BRINP2: variants seen among roughly 807,000 people sequenced by gnomAD.
BRINP2 encodes the protein BMP/retinoic acid inducible neural specific 2, also known as BMP/retinoic acid-inducible neural-specific protein 2.
Under a neutral mutation model 69.2 loss-of-function variants are expected in BRINP2, and 21 were observed. The ratio of observed to expected loss-of-function variants is 0.30; its 90% CI spans 0.22 to 0.44. The LOEUF (loss-of-function observed/expected upper bound fraction) is 0.44. BRINP2 is among the 20% of genes least tolerant of loss of function. The pLI is 1.00. For missense variants in BRINP2, 877 were observed against 986.0 expected, an observed-to-expected ratio of 0.89 and a Z score of 1.48; for synonymous variants, 380 against 394.1, an observed-to-expected ratio of 0.96 and a Z score of 0.42.
chr1:177,224,623 CT>C (rs1649640688), intron 1 of BRINP2, among the ~76,000 whole-genome samples: 1 of 151,162 alleles, frequency 6.6e-6, no homozygotes, highest in South Asian at 2.1e-4. Flanking sequence ...ATTCATATAA[CT>C]GATGCTGTGA....
intron 6 of BRINP2, among the ~76,000 whole-genome samples, chr1:177,277,262 A>G (rs1036965931): frequency 6.6e-6 from 1 of 151,904 alleles, no homozygotes; most frequent in African/African-American, 2.4e-5. Flanking sequence ...TACCCAATAC[A>G]TGGTATTTTT....
intron 1 of BRINP2, among the ~76,000 whole-genome samples, chr1:177,219,034 A>G (rs999960273): frequency 6.6e-6 from 1 of 152,190 alleles, no homozygotes; most frequent in Non-Finnish European, 1.5e-5. Flanking sequence ...TAAAGGAAGG[A>G]GAGTTATTTG....
At chr1:177,173,035 T>TCCC (rs1356060863) in intron 1 of BRINP2, among the ~76,000 whole-genome samples, 1 of 152,100 alleles carries the variant, frequency 6.6e-6, no homozygotes, top group East Asian at 1.9e-4. Flanking sequence ...GTATACCAAA[T>TCCC]CCCCCGGGGG....
At chr1:177,187,016 A>G (rs1648447254) in intron 1 of BRINP2, among the ~76,000 whole-genome samples, 1 of 152,146 alleles carries the variant, frequency 6.6e-6, no homozygotes, top group Admixed American at 6.5e-5. Flanking sequence ...CAAACTGCCA[A>G]TTTTTCCTCT....
intron 3 of BRINP2, 75 bp from the exon 4 acceptor site, chr1:177,257,101 A>C (rs764139852): frequency 1.3e-6 from 2 of 1,598,112 alleles, no homozygotes; most frequent in Non-Finnish European, 1.7e-6. Context: ...ATCTTGGCCA[A>C]GGGTTTTATG....
At chr1:177,182,517 A>T (rs1038846326) in intron 1 of BRINP2, among the ~76,000 whole-genome samples, 1 of 152,162 alleles carries the variant, frequency 6.6e-6, no homozygotes, top group African/African-American at 2.4e-5. Context: ...CAATGTTTGG[A>T]GGCTTTATGC....
At chr1:177,209,573 G>A (rs1368490313) in intron 1 of BRINP2, among the ~76,000 whole-genome samples, 1 of 152,182 alleles carries the variant, frequency 6.6e-6, no homozygotes, top group East Asian at 1.9e-4. Context: ...GAATGAGTGT[G>A]ATGAATTGTT....
At chr1:177,188,796 G>A (rs1376311768) in intron 1 of BRINP2, among the ~76,000 whole-genome samples, 1 of 146,776 alleles carries the variant, frequency 6.8e-6, no homozygotes, top group Non-Finnish European at 1.5e-5. Flanking sequence ...ATTATGCGTA[G>A]GTTAAGAATT....
At chr1:177,203,604 T>C (rs920030289) in intron 1 of BRINP2, among the ~76,000 whole-genome samples, 1 of 152,192 alleles carries the variant, frequency 6.6e-6, no homozygotes, top group East Asian at 1.9e-4. Context: ...TAAGGCAAGA[T>C]TCATGCTGTC....
chr1:177,262,855 C>A (rs1056466055), intron 4 of BRINP2, among the ~76,000 whole-genome samples: 1 of 152,112 alleles, frequency 6.6e-6, no homozygotes, highest in Non-Finnish European at 1.5e-5. Flanking sequence ...TAGATAAACA[C>A]AGTAGATTTC....
intron 4 of BRINP2, among the ~76,000 whole-genome samples, chr1:177,267,653 A>G (rs1247847528): frequency 6.6e-6 from 1 of 152,334 alleles, no homozygotes; most frequent in East Asian, 1.9e-4. Context: ...TTGAGAAAGA[A>G]TCTGGTTCAA....
At chr1:177,205,115 A>G (rs1255158886) in intron 1 of BRINP2, among the ~76,000 whole-genome samples, 5 of 152,134 alleles carry the variant, frequency 3.3e-5, no homozygotes, top group Non-Finnish European at 7.4e-5. Context: ...GTGTCAACAA[A>G]TAGCACTTCT....
rs748101642 is a variant in BRINP2 at position 177,280,448 on chromosome 1, C to A, written c.1272C>A (p.Leu424=). The change falls in exon 8 of 8, where the codon CTC becomes CTA. Residue 424 remains leucine (L), a synonymous_variant. Coordinates refer to ENST00000361539, the MANE Select transcript of BRINP2 (RefSeq NM_021165.4). The part of the protein sequence containing the change: ...LSYWWNRIQS[L]LYCGESTFPG... Reference sequence around the variant, plus strand: ...ACTGGTGGAACCGAATCCAGTCCCTCCTCTACTGTGGGGAAAGCACCTTTC... The same window carrying A: ...ACTGGTGGAACCGAATCCAGTCCCTACTCTACTGTGGGGAAAGCACCTTTC... 1.8e-5 allele frequency: 29 copies of A among 1,613,442 alleles called. No individual in the cohort carries two copies. The South Asian group carries it at 2.6e-4, about 15-fold the overall frequency.
intron 1 of BRINP2, among the ~76,000 whole-genome samples, chr1:177,225,065 T>TA (rs980773064): frequency 6.6e-6 from 1 of 152,150 alleles, no homozygotes; most frequent in African/African-American, 2.4e-5. Flanking sequence ...AAATGGATAT[T>TA]AAAAACAACA....
chr1:177,193,995 C>T (rs1364219551), intron 1 of BRINP2, among the ~76,000 whole-genome samples: 1 of 152,152 alleles, frequency 6.6e-6, no homozygotes, highest in East Asian at 1.9e-4. Flanking sequence ...ACCCAGTTCC[C>T]ATTCTTTCTA....
At chr1:177,264,915 A>G (rs1020791868) in intron 4 of BRINP2, among the ~76,000 whole-genome samples, 4 of 152,220 alleles carry the variant, frequency 2.6e-5, no homozygotes, top group African/African-American at 9.6e-5. Context: ...ATCCCCAACA[A>G]GCTACCATTG....
intron 4 of BRINP2, among the ~76,000 whole-genome samples, chr1:177,262,845 T>G (rs1301782827): frequency 1.3e-5 from 2 of 151,974 alleles, no homozygotes. Flanking sequence ...GTTGGTTGGC[T>G]AGATAAACAC....
intron 4 of BRINP2, among the ~76,000 whole-genome samples, chr1:177,270,325 G>C (rs1296755838): frequency 6.6e-6 from 1 of 152,186 alleles, no homozygotes; most frequent in East Asian, 1.9e-4. Flanking sequence ...GAGGATCATG[G>C]TCTTTGTCTC....
intron 1 of BRINP2, among the ~76,000 whole-genome samples, chr1:177,216,382 T>C (rs1035622240): frequency 6.6e-6 from 1 of 152,108 alleles, no homozygotes; most frequent in Non-Finnish European, 1.5e-5. Context: ...AACTCTCCAG[T>C]TCTCCCCCAT....
Sources: gnomAD v4.1 joint callset for allele counts (sites outside exome capture counted in the v4.1 genomes callset) on GRCh38, gnomAD v4.1.1 for gene constraint, MANE v1.5 for transcripts, NCBI Gene and HGNC (gene_info 2026-07-23, HGNC 2026-07-21) for gene names.